The following KIF11 variants were observed in gnomAD, a reference collection of about 807,000 sequenced individuals.
KIF11 encodes the protein kinesin-like protein KIF11.
A neutral mutation model predicts 121.0 loss-of-function variants in KIF11; 9 were observed. That is an observed-to-expected ratio of 0.07 (90% CI 0.04 to 0.13). The LOEUF is 0.13. Among genes scored for constraint, KIF11 ranks in the 10% least tolerant of loss-of-function variants. The pLI, the probability that KIF11 is intolerant of heterozygous loss-of-function variation, is 1.00. For missense variants in KIF11, 846 were observed against 1,217.5 expected (o/e 0.69, Z 4.54); for synonymous variants, 408 against 421.0 (o/e 0.97, Z 0.38).
At chr10:92,646,292 A>G (rs1844918924) in intron 18 of KIF11, among the ~76,000 whole-genome samples, 1 of 152,006 alleles carries the variant, frequency 6.6e-6, no homozygotes, top group Non-Finnish European at 1.5e-5. Flanking sequence ...ATTCAAACCT[A>G]TTATTATTTT....
intron 18 of KIF11, among the ~76,000 whole-genome samples, chr10:92,646,729 G>A (rs548294492): frequency 2.0e-5 from 3 of 152,160 alleles, no homozygotes; most frequent in East Asian, 1.9e-4. Context: ...TAAAACTTAC[G>A]AACTCATAAA....
intron 21 of KIF11, among the ~76,000 whole-genome samples, chr10:92,651,541 T>A (rs1352085060): frequency 2.0e-5 from 2 of 98,246 alleles, no homozygotes; most frequent in East Asian, 2.5e-4. Context: ...TTTTTTTTTT[T>A]TTTTTTTAGT....
At chr10:92,618,556 G>T (rs1008914555) in intron 9 of KIF11, among the ~76,000 whole-genome samples, 1 of 150,018 alleles carries the variant, frequency 6.7e-6, no homozygotes, top group African/African-American at 2.5e-5. Context: ...TGAGACAGGA[G>T]AATTGCTTGA....
At position 92,654,912 on chromosome 10, in the gene KIF11, T is replaced by C. The variant is rs1287870825; in HGVS notation, c.*1116T>C. On this transcript the variant is annotated 3_prime_UTR_variant, in exon 22 of 22. Transcript: ENST00000260731. The stretch of plus-strand genomic sequence containing the variant: ...CCTTTTAGAGAAGCTCACAATGATT[T>C]AAGGACTGTTTGAAACTTCCAATTA... 2 of 152,644 alleles carry C rather than the reference T, an allele frequency of 1.3e-5. No homozygotes were observed. The highest frequency in any genetic ancestry group is 2.4e-5 in the African/African-American group (1 of 41,458). 9.5% of individuals were successfully genotyped at this position (152,644 alleles called of 1,614,324 possible).
chr10:92,646,850 A>G (rs1844926027), intron 18 of KIF11, among the ~76,000 whole-genome samples: 1 of 152,240 alleles, frequency 6.6e-6, no homozygotes, highest in Non-Finnish European at 1.5e-5. Context: ...AAAGAACCAT[A>G]TCTTGGTTTA....
At chr10:92,626,289 C>T (rs1017328278) in intron 10 of KIF11, among the ~76,000 whole-genome samples, 4 of 152,228 alleles carry the variant, frequency 2.6e-5, no homozygotes, top group Non-Finnish European at 4.4e-5. Flanking sequence ...ATCTGATCTT[C>T]GACAGAACAT....
At chr10:92,614,019 TATACACACAC>T (rs1812901928) in intron 8 of KIF11, among the ~76,000 whole-genome samples, 1 of 40,780 alleles carries the variant, frequency 2.5e-5, no homozygotes, top group Admixed American at 2.5e-4. Context: ...AAAGTATGTG[TATACACACAC>T]ACACACACAC....
intron 18 of KIF11, among the ~76,000 whole-genome samples, chr10:92,647,885 G>A (rs1320736207): frequency 2.6e-5 from 4 of 152,132 alleles, no homozygotes; most frequent in Non-Finnish European, 5.9e-5. Context: ...AAGGTGGGCA[G>A]ATTGCTTGAG....
At chr10:92,618,378 C>T (rs1444449582) in intron 9 of KIF11, among the ~76,000 whole-genome samples, 2 of 151,500 alleles carry the variant, frequency 1.3e-5, no homozygotes, top group Admixed American at 6.6e-5. Flanking sequence ...GGCACGGTGG[C>T]TCATGCCTGT....
At chr10:92,637,574 C>T in intron 16 of KIF11, 29 bp downstream of exon 16, 1 of 1,576,946 alleles carries the variant, frequency 6.3e-7, no homozygotes, top group Middle Eastern at 1.7e-4. Flanking sequence ...TTGGGGAGTA[C>T]AGAAAGAGAG....
intron 21 of KIF11, among the ~76,000 whole-genome samples, chr10:92,652,233 C>T (rs1161804121): frequency 6.6e-6 from 1 of 151,976 alleles, no homozygotes; most frequent in African/African-American, 2.4e-5. Flanking sequence ...CTCCGCCTCC[C>T]GGGTTCTAGC....
At chr10:92,652,598 C>T (rs1176374135) in intron 21 of KIF11, among the ~76,000 whole-genome samples, 3 of 152,134 alleles carry the variant, frequency 2.0e-5, no homozygotes, top group Non-Finnish European at 4.4e-5. Context: ...CCACCTTTTG[C>T]TTTATTCCTT....
rs542358899 is a variant in KIF11 at position 92,650,785 on chromosome 10, A to G, written c.3039+268A>G. 5.9e-5 allele frequency among the ~76,000 whole-genome samples: 9 copies of G among 152,124 alleles called. No individual in the cohort carries two copies. In the South Asian group the frequency reaches 1.5e-3, roughly 25 times the overall value. On this transcript the variant is annotated intron_variant, in intron 21 of 21. Transcript: ENST00000260731. Reference sequence around the variant, plus strand: ...TGTATTTATTCCTTTTCTGCTTGCTATATACTCAGACACTGAGAGCAGTCA... The same window carrying G: ...TGTATTTATTCCTTTTCTGCTTGCTGTATACTCAGACACTGAGAGCAGTCA...
At position 92,606,369 on chromosome 10, in the gene KIF11, G is replaced by A; in HGVS notation, c.182G>A (p.Ser61Asn). 6.2e-7 allele frequency: 1 copy of A among 1,610,968 alleles called. No individual in the cohort carries two copies. Among genetic ancestry groups the A allele is most frequent in the Non-Finnish European group, 8.5e-7 (1 of 1,179,230 alleles). The change falls in exon 2 of 22, where the codon AGC becomes AAC. Residue 61 changes from serine to asparagine, a missense_variant. Physicochemically the swap from Ser to Asn is conservative, Grantham distance 46. Coordinates refer to ENST00000260731, the MANE Select transcript of KIF11 (RefSeq NM_004523.4). The part of the protein sequence containing the change: ...SVRTGGLADK[S>N]SRKTYTFDMV... Reference sequence around the variant, plus strand: ...CGAACTGGAGGATTGGCTGACAAGAGCTCAAGGAAAACATACACTTTTGAT... The same window carrying A: ...CGAACTGGAGGATTGGCTGACAAGAACTCAAGGAAAACATACACTTTTGAT...
rs562149720 is a variant in KIF11, at chr10:92,645,693, G to C, written c.2547+51G>C. The stretch of plus-strand genomic sequence containing the variant: ...CTTTGGGGAGAATAATAATCAGAAA[G>C]TTAAATATTCTTGGCTAAGAATAGA... On this transcript the variant is annotated intron_variant, in intron 18 of 21. Coordinates refer to ENST00000260731, the MANE Select transcript of KIF11 (RefSeq NM_004523.4). The C allele has an allele frequency of 6.3e-5, 84 of 1,334,028 alleles. No homozygotes were observed. The South Asian group carries it at 1.1e-3, about 18-fold the overall frequency. 82.6% of individuals were successfully genotyped at this position (1,334,028 alleles called of 1,614,324 possible).
intron 10 of KIF11, among the ~76,000 whole-genome samples, chr10:92,627,487 C>G (rs1270361552): frequency 6.6e-6 from 1 of 152,164 alleles, no homozygotes; most frequent in African/African-American, 2.4e-5. Flanking sequence ...ATCCCTGTCT[C>G]TCCTTTTGAA....
At position 92,650,541 on chromosome 10, in the gene KIF11, C is replaced by T. The variant is rs202011104; in HGVS notation, c.3039+24C>T. The T allele has an allele frequency of 2.1e-5, 25 of 1,206,718 alleles. No individual in the cohort carries two copies. In the East Asian group the frequency reaches 5.6e-4, roughly 27 times the overall value. The allele number at this position is 1,206,718 out of a possible 1,614,324, so 74.8% of individuals were successfully genotyped here. On this transcript the variant is annotated intron_variant, in intron 21 of 21. Coordinates refer to ENST00000260731, the MANE Select transcript of KIF11 (RefSeq NM_004523.4). ...AGGTATGTCATATCAGATAACCCTT[C>T]CACATCTGATGTAAGTCATTCATTT...
intron 4 of KIF11, among the ~76,000 whole-genome samples, chr10:92,608,126 T>C (rs1187315489): frequency 6.6e-6 from 1 of 150,510 alleles, no homozygotes; most frequent in Non-Finnish European, 1.5e-5. Context: ...AAAAAGAATT[T>C]TTTTTAATTT....
intron 13 of KIF11, among the ~76,000 whole-genome samples, chr10:92,633,024 C>A (rs11818708): frequency 6.6e-6 from 1 of 151,854 alleles, no homozygotes; most frequent in Admixed American, 6.6e-5. Context: ...ATTTCTTGGG[C>A]CTTTTTCTGG....
Sources: gnomAD v4.1 joint callset for allele counts (sites outside exome capture counted in the v4.1 genomes callset) on GRCh38, gnomAD v4.1.1 for gene constraint, MANE v1.5 for transcripts, NCBI Gene and HGNC (gene_info 2026-07-23, HGNC 2026-07-21) for gene names.